CALD1: variants seen among roughly 807,000 people sequenced by gnomAD.
The protein encoded by CALD1 is caldesmon 1.
Under a neutral mutation model 99.9 loss-of-function variants are expected in CALD1, and 33 were observed. The ratio of observed to expected loss-of-function variants is 0.33; its 90% confidence interval spans 0.25 to 0.44. The LOEUF (loss-of-function observed/expected upper bound fraction) is 0.44, where lower values mean the gene tolerates loss of function less well. CALD1 is among the 20% of genes least tolerant of loss of function. The pLI, the probability that CALD1 is intolerant of heterozygous loss-of-function variation, is 1.00. For missense variants in CALD1, 861 were observed against 962.1 expected (o/e 0.89, Z 1.39); for synonymous variants, 310 against 325.0 (o/e 0.95, Z 0.50).
intron 3 of CALD1, chr7:134,891,546 A>C: frequency 6.5e-7 from 1 of 1,545,314 alleles, no homozygotes; most frequent in South Asian, 1.2e-5. Context: ...CCGCGGGCCC[A>C]GCCCACGCCC....
At chr7:134,855,047 T>C (rs902960450) in intron 2 of CALD1, among the ~76,000 whole-genome samples, 9 of 152,216 alleles carry the variant, frequency 5.9e-5, no homozygotes, top group Non-Finnish European at 1.3e-4. Context: ...CCTTCCACTA[T>C]GATTGAAAGT....
chr7:134,775,668 G>C (rs545185789), upstream of CALD1, among the ~76,000 whole-genome samples: 59 of 151,158 alleles, frequency 3.9e-4, no homozygotes, highest in Middle Eastern at 3.4e-3. Context: ...CTGAGATCGT[G>C]CCACTGCACT....
intron 2 of CALD1, among the ~76,000 whole-genome samples, chr7:134,850,504 T>A (rs1207741130): frequency 6.6e-6 from 1 of 152,218 alleles, no homozygotes; most frequent in Non-Finnish European, 1.5e-5. Flanking sequence ...ATAAGGATTG[T>A]CACAAGGATT....
intron 9 of CALD1, among the ~76,000 whole-genome samples, chr7:134,953,527 AAAAAG>A (rs1206454755): frequency 2.0e-5 from 3 of 151,910 alleles, no homozygotes; most frequent in Non-Finnish European, 4.4e-5. Flanking sequence ...TCAAAAAAAA[AAAAAG>A]AAAAGAAAAA....
chr7:134,719,857 TCA>T, the CALD1 span, among the ~76,000 whole-genome samples: 1 of 152,256 alleles, frequency 6.6e-6, no homozygotes, highest in East Asian at 1.9e-4. Context: ...CCCGAAATGT[TCA>T]CATCAATCAC....
chr7:134,932,922 C>T, intron 4 of CALD1, 66 bp from the exon 5 acceptor site: 1 of 1,100,988 alleles, frequency 9.1e-7, no homozygotes. Context: ...GTAGCACAGG[C>T]TGTATGAATG....
In CALD1 at chr7:134,794,230, C is replaced by T. The variant is rs58145750; in HGVS notation, c.-130+14481C>T. ...AGAGACTAGAACAATCCCTACACCA[C>T]GCAAGCAGCCATGCCTGTTACTGTT... On this transcript the variant is annotated intron_variant, in intron 1 of 14. Transcript: ENST00000361675. Among the ~76,000 whole-genome samples the T allele has an allele frequency of 1.9e-3, 289 of 152,316 alleles. 6 individuals carry two copies. The East Asian group carries it at 0.042, about 22-fold the overall frequency.
chr7:134,959,175 T>G (rs1808058316), intron 11 of CALD1, among the ~76,000 whole-genome samples: 9 of 150,170 alleles, frequency 6.0e-5, no homozygotes, highest in Admixed American at 5.9e-4. Flanking sequence ...GTTTTTTTGT[T>G]TTTTATTTTT....
At chr7:134,844,831 T>C (rs1799787454) in intron 2 of CALD1, among the ~76,000 whole-genome samples, 1 of 152,192 alleles carries the variant, frequency 6.6e-6, no homozygotes, top group Non-Finnish European at 1.5e-5. Context: ...TGTCTTTCTC[T>C]CTGTGCCCAA....
chr7:134,789,897 T>C (rs1279320608), intron 1 of CALD1, among the ~76,000 whole-genome samples: 1 of 151,982 alleles, frequency 6.6e-6, no homozygotes, highest in Admixed American at 6.6e-5. Context: ...AACCAGAAGG[T>C]TTACCTGCTT....
At chr7:134,939,185 C>T (rs1328886699) in intron 6 of CALD1, among the ~76,000 whole-genome samples, 2 of 152,170 alleles carry the variant, frequency 1.3e-5, no homozygotes, top group African/African-American at 2.4e-5. Flanking sequence ...CTGATATATT[C>T]TTGGGCAAGG....
At chr7:134,863,825 G>T (rs1301568457) in intron 2 of CALD1, among the ~76,000 whole-genome samples, 1 of 152,054 alleles carries the variant, frequency 6.6e-6, no homozygotes, top group Non-Finnish European at 1.5e-5. Context: ...CCGACACAGG[G>T]TGGGAGACAG....
chr7:134,712,977 T>A, the CALD1 span, among the ~76,000 whole-genome samples: 2 of 152,220 alleles, frequency 1.3e-5, no homozygotes, highest in Non-Finnish European at 2.9e-5. Flanking sequence ...AAGGATTTAT[T>A]GACAGTCTAT....
the CALD1 span, among the ~76,000 whole-genome samples, chr7:134,730,120 C>T: frequency 6.6e-6 from 1 of 151,978 alleles, no homozygotes; most frequent in East Asian, 1.9e-4. Context: ...GGAGCCTGCC[C>T]CATTCAGCAA....
intron 1 of CALD1, among the ~76,000 whole-genome samples, chr7:134,824,279 G>A (rs1048131358): frequency 5.9e-5 from 9 of 152,058 alleles, no homozygotes; most frequent in African/African-American, 1.9e-4. Flanking sequence ...TTAAGTCCAG[G>A]TCTACACATG....
At chr7:134,843,450 CCTTT>C (rs1799730627) in intron 1 of CALD1, among the ~76,000 whole-genome samples, 1 of 152,154 alleles carries the variant, frequency 6.6e-6, no homozygotes, top group South Asian at 2.1e-4. Flanking sequence ...CTCTTGAAAG[CCTTT>C]CTGTCTTTGT....
At chr7:134,915,421 C>T (rs1215869292) in intron 3 of CALD1, among the ~76,000 whole-genome samples, 3 of 152,284 alleles carry the variant, frequency 2.0e-5, no homozygotes, top group Non-Finnish European at 4.4e-5. Context: ...TGAAGCAGTT[C>T]CTCCTGTATT....
At chr7:134,891,923 A>G (rs1404129743) in intron 3 of CALD1, among the ~76,000 whole-genome samples, 3 of 151,924 alleles carry the variant, frequency 2.0e-5, no homozygotes, top group Non-Finnish European at 4.4e-5. Context: ...TGGTTTGTGG[A>G]CCATTTGCCA....
intron 1 of CALD1, among the ~76,000 whole-genome samples, chr7:134,793,766 T>C (rs1278844355): frequency 6.6e-6 from 1 of 152,218 alleles, no homozygotes; most frequent in African/African-American, 2.4e-5. Flanking sequence ...TGTGGTTTTC[T>C]GCTTTCCACA....
Sources: allele counts gnomAD v4.1 joint callset (sites outside exome capture counted in the v4.1 genomes callset), GRCh38; gene constraint gnomAD v4.1.1; transcripts MANE v1.5; gene names NCBI Gene and HGNC (gene_info 2026-07-23, HGNC 2026-07-21).